Variants in SEMA7A observed in about 807,000 individuals in gnomAD.
SEMA7A encodes semaphorin 7A (JohnMiltonHagen blood group).
A neutral mutation model predicts 67.5 loss-of-function variants in SEMA7A; 21 were observed. That is an observed-to-expected ratio of 0.31 (90% CI 0.22 to 0.45). The LOEUF is 0.45. Among genes scored for constraint, SEMA7A ranks in the 20% least tolerant of loss-of-function variants. The pLI, the probability that SEMA7A is intolerant of heterozygous loss-of-function variation, is 1.00. For missense variants in SEMA7A, 774 were observed against 908.6 expected, an observed-to-expected ratio of 0.85 and a Z score of 1.90; for synonymous variants, 364 against 368.5, an observed-to-expected ratio of 0.99 and a Z score of 0.14.
At position 74,417,954 on chromosome 15, in the gene SEMA7A, T is replaced by C. The variant is rs1376365946; in HGVS notation, c.388A>G (p.Ile130Val). 2 of 1,613,122 alleles carry C rather than the reference T, an allele frequency of 1.2e-6. No homozygotes were observed. Among genetic ancestry groups the C allele is most frequent in the Non-Finnish European group, 1.7e-6 (2 of 1,179,968 alleles). The change falls in exon 4 of 14, where the codon ATC (isoleucine) becomes GTC (valine). Residue 130 changes from isoleucine (I) to valine (V), a missense_variant. By Grantham distance (29) the Ile-to-Val change is conservative (BLOSUM62 3). Around this residue, in one of 2 missense-constraint regions of SEMA7A, gnomAD observed 347 missense variants for 353.2 expected, o/e 0.98. Transcript: ENST00000261918. ...TCACTCCGCCTCTCCAGGAGAGTGA[T>C]GTAGTTCTCGCAGTCCTGCCCGGGG... ...CLDKRDCENY[I>V]TLLERRSEGL... is the part of the protein sequence containing the mutation.
intron 1 of SEMA7A, chr15:74,427,310 A>G: frequency 1.0e-6 from 1 of 985,418 alleles, no homozygotes; most frequent in Non-Finnish European, 1.2e-6. Flanking sequence ...AGTGGAGAGA[A>G]GCAAGACTGG....
intron 6 of SEMA7A, among the ~76,000 whole-genome samples, chr15:74,417,115 T>G (rs1259861846): frequency 1.3e-5 from 2 of 151,986 alleles, no homozygotes; most frequent in African/African-American, 4.8e-5. Context: ...CTCCCTCTGT[T>G]TGTGTTCCTG....
At chr15:74,433,368 C>T (rs2061108218) in intron 1 of SEMA7A, among the ~76,000 whole-genome samples, 1 of 151,868 alleles carries the variant, frequency 6.6e-6, no homozygotes. Flanking sequence ...GGTTGGGGTC[C>T]CAGGCGGGGA....
chr15:74,411,560 C>T lies in SEMA7A; in HGVS notation c.1573G>A (p.Glu525Lys), dbSNP rs746598048. The change falls in exon 12 of 14, where the codon GAA (glutamate) becomes AAA (lysine). Residue 525 changes from glutamate to lysine, a missense_variant. Transcript: ENST00000261918. The surrounding 1 kb of genome is among the most constrained non-coding windows in gnomAD (Gnocchi z 4.4). ...QGRCISIYSS[E>K]RSVLQSINPA... ...GAGGGATCCCGGCCAACGTACCGTTCGGAGCTGTAGATGGAGATGCAGCGG... is the reference window on the plus strand; with the variant it reads ...GAGGGATCCCGGCCAACGTACCGTTTGGAGCTGTAGATGGAGATGCAGCGG... The T allele has an allele frequency of 1.3e-5, 21 of 1,568,610 alleles. No homozygotes were observed. Among genetic ancestry groups the T allele is most frequent in the Admixed American group, 1.8e-5 (1 of 55,114 alleles).
chr15:74,410,570 C>G lies in SEMA7A; in HGVS notation c.*54G>C, dbSNP rs1362871747. The G allele has an allele frequency of 1.3e-6, 2 of 1,522,560 alleles. No homozygotes were observed. Among genetic ancestry groups the G allele is most frequent in the Middle Eastern group, 2.5e-4 (1 of 4,018 alleles). 94.3% of individuals were successfully genotyped at this position (1,522,560 alleles called of 1,614,324 possible). A position where few individuals can be genotyped will look rare whatever the true frequency, so the allele number is the denominator to read the frequency against. On this transcript the variant is annotated 3_prime_UTR_variant, in exon 14 of 14. Coordinates refer to ENST00000261918, the MANE Select transcript of SEMA7A (RefSeq NM_003612.5). The surrounding 1 kb of genome is among the most constrained non-coding windows in gnomAD (Gnocchi z 7.5). ...GGGCCAGCCGGCTCTGAGTGTGAGACGTTCTAGTGCCCTGGGCTGCAGAAG... is the reference window on the plus strand; with the variant it reads ...GGGCCAGCCGGCTCTGAGTGTGAGAGGTTCTAGTGCCCTGGGCTGCAGAAG...
At chr15:74,419,100 A>T (rs1234828211) in intron 1 of SEMA7A, 148 bp from the exon 2 acceptor site, 2 of 866,278 alleles carry the variant, frequency 2.3e-6, no homozygotes, top group Admixed American at 5.6e-5. Context: ...GGTGGTACCC[A>T]GACTCAGAGA....
chr15:74,428,894 G>A (rs990229867), intron 1 of SEMA7A, among the ~76,000 whole-genome samples: 5 of 152,242 alleles, frequency 3.3e-5, no homozygotes, highest in African/African-American at 1.2e-4. Flanking sequence ...GGCTAGGGAA[G>A]GGGGAACTCT....
intron 10 of SEMA7A, 92 bp from the exon 11 acceptor site, chr15:74,412,104 A>C (rs2060907083): frequency 6.7e-7 from 1 of 1,501,606 alleles, no homozygotes; most frequent in Non-Finnish European, 9.1e-7. Context: ...GGAAGTCACA[A>C]CTCAGGCAAG....
intron 1 of SEMA7A, among the ~76,000 whole-genome samples, chr15:74,433,266 G>A (rs1012673552): frequency 1.3e-5 from 2 of 151,578 alleles, no homozygotes; most frequent in East Asian, 3.9e-4. Flanking sequence ...GCCGAAGCGC[G>A]GCGGCGGCGG....
chr15:74,416,242 C>G (rs542509891), intron 7 of SEMA7A, among the ~76,000 whole-genome samples: 2 of 152,200 alleles, frequency 1.3e-5, no homozygotes, highest in Non-Finnish European at 2.9e-5. Context: ...CAGGTCCCCA[C>G]AGAGCAGACG....
rs1225470162 is a variant in SEMA7A at position 74,414,479 on chromosome 15, C to T, written c.1294+68G>A. On this transcript the variant is annotated intron_variant, in intron 10 of 13. Coordinates refer to ENST00000261918, the MANE Select transcript of SEMA7A (RefSeq NM_003612.5). The surrounding 1 kb of genome is among the most constrained non-coding windows in gnomAD (Gnocchi z 4.1). ...TAAAGATCCAACCAGATGTTAACTA[C>T]ATTATTCCTTACACCTTTCATGCCC... The T allele has an allele frequency of 3.7e-5, 53 of 1,440,464 alleles. No homozygotes were observed. The East Asian group carries it at 1.2e-3, about 32-fold the overall frequency. The allele number at this position is 1,440,464 out of a possible 1,614,324, so 89.2% of individuals were successfully genotyped here. A position where few individuals can be genotyped will look rare whatever the true frequency, so the allele number is the denominator to read the frequency against.
chr15:74,431,473 T>C (rs1001874629), intron 1 of SEMA7A, among the ~76,000 whole-genome samples: 5 of 152,202 alleles, frequency 3.3e-5, no homozygotes, highest in Admixed American at 2.0e-4. Flanking sequence ...TTTCCATACC[T>C]ATTCCAGTCC....
chr15:74,415,019 C>G, intron 8 of SEMA7A, 73 bp from the exon 9 acceptor site: 1 of 1,286,208 alleles, frequency 7.8e-7, no homozygotes, highest in Non-Finnish European at 1.1e-6. Flanking sequence ...CCCAGGCCAG[C>G]CTTGTGCCTG....
chr15:74,430,498 C>G (rs1304941039), intron 1 of SEMA7A, among the ~76,000 whole-genome samples: 1 of 152,180 alleles, frequency 6.6e-6, no homozygotes, highest in Admixed American at 6.5e-5. Flanking sequence ...CAGCCTGAAC[C>G]AGGCTCCCGA....
intron 1 of SEMA7A, among the ~76,000 whole-genome samples, chr15:74,426,241 C>T (rs1032052937): frequency 6.6e-6 from 1 of 152,220 alleles, no homozygotes; most frequent in Non-Finnish European, 1.5e-5. Flanking sequence ...CGCCACTGCA[C>T]TCCAGCCTGG....
chr15:74,428,638 AG>A (rs1255341779), intron 1 of SEMA7A, among the ~76,000 whole-genome samples: 1 of 152,142 alleles, frequency 6.6e-6, no homozygotes, highest in Non-Finnish European at 1.5e-5. Context: ...GGAGCCAGGG[AG>A]CAGTGAGGGA....
chr15:74,427,230 T>C, intron 1 of SEMA7A: 2 of 985,414 alleles, frequency 2.0e-6, no homozygotes, highest in Non-Finnish European at 2.4e-6. Flanking sequence ...ATCTGGCCTA[T>C]GGGGCCCTGA....
At chr15:74,416,784 A>T in intron 6 of SEMA7A, 70 bp from the exon 7 acceptor site, 1 of 1,532,710 alleles carries the variant, frequency 6.5e-7, no homozygotes, top group Non-Finnish European at 8.9e-7. Flanking sequence ...AACCCTGCAC[A>T]CTCTCCTCCC....
Position 74,410,841 on chromosome 15 carries a change from T to G in SEMA7A, c.1784A>C (p.Asn595Thr). The G allele has an allele frequency of 1.2e-6, 2 of 1,614,170 alleles. No homozygotes were observed. The highest frequency in any genetic ancestry group is 1.7e-6 in the Non-Finnish European group (2 of 1,180,012). Residue 595 changes from asparagine to threonine, a missense_variant, in exon 14 of 14, where the codon AAC becomes ACC. By Grantham distance (65) the Asn-to-Thr change is moderately conservative (BLOSUM62 0). Around this residue, in one of 2 missense-constraint regions of SEMA7A, gnomAD observed 427 missense variants for 555.4 expected, o/e 0.77. Coordinates refer to ENST00000261918, the MANE Select transcript of SEMA7A (RefSeq NM_003612.5). This position sits in a 1 kb window ranked among gnomAD's most constrained non-coding sequence, Gnocchi z 7.5. ...GAGGTTCTCGATGAACAGGATGCAGTTGGGGCTCTGGTGACCAGGTTCGCA... is the reference window on the plus strand; with the variant it reads ...GAGGTTCTCGATGAACAGGATGCAGGTGGGGCTCTGGTGACCAGGTTCGCA... ...QSCEPGHQSP[N>T]CILFIENLTA...
Sources: gnomAD v4.1 joint callset for allele counts (sites outside exome capture counted in the v4.1 genomes callset) on GRCh38, gnomAD v4.1.1 for gene constraint, gnomAD v4.1.1 regional missense constraint, Gnocchi (gnomAD v3.1) non-coding constraint, MANE v1.5 for transcripts, NCBI Gene and HGNC (gene_info 2026-07-23, HGNC 2026-07-21) for gene names.